Variants in SMC2 observed in about 807,000 individuals in gnomAD.
SMC2 encodes the protein structural maintenance of chromosomes protein 2.
Under a neutral mutation model 142.6 loss-of-function variants are expected in SMC2, and 41 were observed. That is an observed-to-expected ratio of 0.29 (90% CI 0.22 to 0.37). SMC2 has a LOEUF of 0.37. Among genes scored for constraint, SMC2 ranks in the 10% least tolerant of loss-of-function variants. The pLI is 1.00. For synonymous variants in SMC2, 463 were observed against 457.5 expected (o/e 1.01, Z -0.15); for missense variants, 1,265 against 1,373.7 (o/e 0.92, Z 1.25).
chr9:104,135,540 T>C (rs1272202784), intron 23 of SMC2, among the ~76,000 whole-genome samples: 1 of 152,242 alleles, frequency 6.6e-6, no homozygotes, highest in South Asian at 2.1e-4. Context: ...GCACCATGTT[T>C]TCCAGATTTG....
chr9:104,094,507 G>A (rs1830221079), intron 1 of SMC2, 30 bp downstream of exon 1: 1 of 395,182 alleles, frequency 2.5e-6, no homozygotes, highest in Non-Finnish European at 4.5e-6. Context: ...ACGGCCGGTT[G>A]GGCCGGGCCA....
At position 104,138,667 on chromosome 9, in the gene SMC2, A is replaced by G. The variant is rs141436938; in HGVS notation, c.3418-472A>G. 5.1e-3 allele frequency among the ~76,000 whole-genome samples: 773 copies of G among 152,280 alleles called. 3 individuals are homozygous for G. Among genetic ancestry groups the G allele is most frequent in the African/African-American group, 0.018 (750 of 41,566 alleles). ...CCAAATATGCTTGCATAAATTATGC[A>G]TTGTACAACTCTGGGGACTCCACTC... On this transcript the variant is annotated intron_variant, in intron 24 of 24. Coordinates refer to ENST00000374793, the MANE Select transcript of SMC2 (RefSeq NM_006444.3).
chr9:104,133,815 G>A (rs919235875), intron 22 of SMC2, among the ~76,000 whole-genome samples: 3 of 152,032 alleles, frequency 2.0e-5, no homozygotes, highest in Non-Finnish European at 4.4e-5. Context: ...TAACCTCTTC[G>A]GCTAGGAGAT....
intron 15 of SMC2, 54 bp downstream of exon 15, chr9:104,118,429 C>G: frequency 6.9e-7 from 1 of 1,447,932 alleles, no homozygotes; most frequent in Admixed American, 1.9e-5. Context: ...TAGGAAGATG[C>G]CTTTTTTAAG....
intron 23 of SMC2, among the ~76,000 whole-genome samples, chr9:104,136,311 A>G (rs1256313762): frequency 6.6e-6 from 1 of 151,040 alleles, no homozygotes; most frequent in Non-Finnish European, 1.5e-5. Flanking sequence ...TATCATTTTT[A>G]TGAGTAGAAA....
intron 17 of SMC2, among the ~76,000 whole-genome samples, chr9:104,124,214 G>C (rs550986168): frequency 1.2e-4 from 18 of 152,266 alleles, no homozygotes; most frequent in Non-Finnish European, 2.4e-4. Context: ...AGCCTCCCGA[G>C]TAGCTGGGAC....
chr9:104,108,506 G>A (rs1238518340), intron 9 of SMC2, among the ~76,000 whole-genome samples: 1 of 152,168 alleles, frequency 6.6e-6, no homozygotes, highest in African/African-American at 2.4e-5. Flanking sequence ...CACTGTCTGA[G>A]AACCTCTTTC....
chr9:104,134,742 C>G lies in SMC2; in HGVS notation c.3269+167C>G, dbSNP rs554432692. On this transcript the variant is annotated intron_variant, in intron 23 of 24. Coordinates refer to ENST00000374793, the MANE Select transcript of SMC2 (RefSeq NM_006444.3). ...TAAAACATTTGATTAAAATAGGTGA[C>G]AAAGGAGGAATAAGCAAATAGAAAA... Among the ~76,000 whole-genome samples, 87 of 151,966 alleles carry G rather than the reference C, an allele frequency of 5.7e-4. 1 individual carries two copies. In the South Asian group the frequency reaches 8.5e-3, roughly 15 times the overall value.
chr9:104,089,251 C>T, the SMC2 span, among the ~76,000 whole-genome samples: 1 of 152,170 alleles, frequency 6.6e-6, no homozygotes, highest in South Asian at 2.1e-4. Flanking sequence ...CTGTAGAGGA[C>T]TGCAGAGTGG....
At chr9:104,134,064 A>C (rs1394004213) in intron 22 of SMC2, among the ~76,000 whole-genome samples, 1 of 152,116 alleles carries the variant, frequency 6.6e-6, no homozygotes, top group Non-Finnish European at 1.5e-5. Context: ...TGTGTTCTAC[A>C]AAAGTGTCAA....
At position 104,136,628 on chromosome 9, in the gene SMC2, C is replaced by T. The variant is rs79214185; in HGVS notation, c.3270-1390C>T. The stretch of plus-strand genomic sequence containing the variant: ...TAAGATTAAGTTTTAAAACTCAATA[C>T]TTGAGGCACTCATCACAGAGAAAGA... On this transcript the variant is annotated intron_variant, in intron 23 of 24. Coordinates refer to ENST00000374793, the MANE Select transcript of SMC2 (RefSeq NM_006444.3). 5.5e-3 allele frequency among the ~76,000 whole-genome samples: 829 copies of T among 151,976 alleles called. 2 individuals carry two copies. The highest frequency in any genetic ancestry group is 0.015 in the East Asian group (78 of 5,160).
rs1021509179 is a variant in SMC2 at position 104,139,900 on chromosome 9, A to G, written c.*585A>G. On this transcript the variant is annotated 3_prime_UTR_variant, in exon 25 of 25. Coordinates refer to ENST00000374793, the MANE Select transcript of SMC2 (RefSeq NM_006444.3). ...CTTATTTTAATGATACATGAATATC[A>G]TGTTCCTATACGCTTAATAATTGGT... The G allele has an allele frequency of 3.9e-5, 6 of 151,992 alleles. No individual in the cohort carries two copies. Among genetic ancestry groups the G allele is most frequent in the Admixed American group, 3.9e-4 (6 of 15,242 alleles). 9.4% of individuals were successfully genotyped at this position (151,992 alleles called of 1,614,324 possible).
intron 2 of SMC2, 121 bp downstream of exon 2, chr9:104,095,673 C>T: frequency 1.4e-6 from 1 of 704,058 alleles, no homozygotes; most frequent in Non-Finnish European, 2.4e-6. Context: ...AATTACACCT[C>T]ACTGCAACCT....
intron 9 of SMC2, among the ~76,000 whole-genome samples, chr9:104,108,529 G>C (rs1832073573): frequency 6.6e-6 from 1 of 152,020 alleles, no homozygotes; most frequent in African/African-American, 2.4e-5. Context: ...GTTCCCTCTC[G>C]GGATCCATCT....
At chr9:104,116,525 T>A (rs1833137497) in intron 14 of SMC2, among the ~76,000 whole-genome samples, 1 of 149,446 alleles carries the variant, frequency 6.7e-6, no homozygotes, top group Non-Finnish European at 1.5e-5. Flanking sequence ...TTTGTGGTAT[T>A]AGAATGTCCT....
In SMC2 at chr9:104,123,240, G is replaced by T; in HGVS notation, c.2257+8G>T. On this transcript the variant is annotated splice_region_variant and intron_variant, in intron 17 of 24. Transcript: ENST00000374793. Reference sequence around the variant, plus strand: ...CCCTTAAAAAAACCATTGGTAAGATGAAAACAGTCCATGCTTAATCTCTGG... The same window carrying T: ...CCCTTAAAAAAACCATTGGTAAGATTAAAACAGTCCATGCTTAATCTCTGG... The T allele has an allele frequency of 6.2e-7, 1 of 1,610,942 alleles. No homozygotes were observed. Among genetic ancestry groups the T allele is most frequent in the Non-Finnish European group, 8.5e-7 (1 of 1,178,446 alleles).
chr9:104,134,480 A>G lies in SMC2; in HGVS notation c.3174A>G (p.Pro1058=). 1 of 1,612,936 alleles carries G rather than the reference A, an allele frequency of 6.2e-7. No individual in the cohort carries two copies. ...LLPGANAMLA[P]PEGQTVLDGL... ...CTGGTGCTAATGCTATGCTTGCACC[A>G]CCAGAGGGTCAAACTGTTTTGGATG... The change falls in exon 23 of 25, where the codon CCA becomes CCG. Residue 1058 remains proline (P), a synonymous_variant. Transcript: ENST00000374793.
intron 24 of SMC2, among the ~76,000 whole-genome samples, chr9:104,138,680 G>A (rs1403243804): frequency 3.3e-5 from 5 of 152,116 alleles, no homozygotes; most frequent in Non-Finnish European, 7.4e-5. Context: ...GTACAACTCT[G>A]GGGACTCCAC....
chr9:104,109,011 CCTCT>C (rs1052362075), intron 9 of SMC2, among the ~76,000 whole-genome samples: 7 of 152,146 alleles, frequency 4.6e-5, no homozygotes, highest in African/African-American at 1.7e-4. Flanking sequence ...CAGGCCATTC[CCTCT>C]ATCAGAATGT....
Sources: gnomAD v4.1 joint callset for allele counts (sites outside exome capture counted in the v4.1 genomes callset) on GRCh38, gnomAD v4.1.1 for gene constraint, MANE v1.5 for transcripts, NCBI Gene and HGNC (gene_info 2026-07-23, HGNC 2026-07-21) for gene names.